TMC1: variants seen among roughly 807,000 people sequenced by gnomAD.
TMC1 encodes the protein transmembrane channel like 1.
A neutral mutation model predicts 105.8 loss-of-function variants in TMC1; 84 were observed. The observed-to-expected ratio is 0.79, with a 90% CI of 0.67 to 0.95. The LOEUF (loss-of-function observed/expected upper bound fraction) is 0.95, where lower values mean the gene tolerates loss of function less well. TMC1 is among the 40% of genes least tolerant of loss of function. The pLI, the probability that TMC1 is intolerant of heterozygous loss-of-function variation, is 0.00. For synonymous variants in TMC1, 315 were observed against 311.5 expected, an observed-to-expected ratio of 1.01 and a Z score of -0.12; for missense variants, 817 against 914.1, an observed-to-expected ratio of 0.89 and a Z score of 1.37.
intron 1 of TMC1, among the ~76,000 whole-genome samples, chr9:72,572,782 G>A (rs7036864): frequency 0.31 from 47,043 of 151,918 alleles, 8,411 homozygotes; most frequent in African/African-American, 0.47. Context: ...CCTGAAATCA[G>A]GAGTTTGAGA....
At chr9:72,710,852 G>A (rs190223652) in intron 8 of TMC1, among the ~76,000 whole-genome samples, 67 of 152,128 alleles carry the variant, frequency 4.4e-4, no homozygotes, top group African/African-American at 1.6e-3. Flanking sequence ...TGTTACATAG[G>A]TATACACATG....
chr9:72,817,549 G>C (rs1320000600), intron 19 of TMC1, among the ~76,000 whole-genome samples: 2 of 152,172 alleles, frequency 1.3e-5, no homozygotes, highest in African/African-American at 4.8e-5. Context: ...AGAAACCACT[G>C]TTCTATCAGT....
Position 72,627,908 on chromosome 9 carries a change from T to TC in TMC1, c.-195-13_-195-12insC, listed in dbSNP as rs1405953706. ...AAAAATCTGTATTGGATTTTTTTTT[T>TC]TTCATATTTTAGGATGCCAGAAGCC... On this transcript the variant is annotated splice_polypyrimidine_tract_variant and intron_variant, in intron 3 of 23. Coordinates refer to ENST00000297784, the MANE Select transcript of TMC1 (RefSeq NM_138691.3). The TC allele has an allele frequency of 2.5e-6, 1 of 394,718 alleles. No individual in the cohort carries two copies. The highest frequency in any genetic ancestry group is 2.1e-5 in the African/African-American group (1 of 47,018). The allele number at this position is 394,718 out of a possible 1,614,324, so 24.5% of individuals were successfully genotyped here.
chr9:72,532,667 T>TATTCTCAG (rs953076230), intron 1 of TMC1, among the ~76,000 whole-genome samples: 95 of 149,708 alleles, frequency 6.3e-4, no homozygotes, highest in Admixed American at 1.9e-3. Context: ...GGATGAGACA[T>TATTCTCAG]ATTCTCAGAT....
intron 23 of TMC1, among the ~76,000 whole-genome samples, chr9:72,834,966 A>G (rs1302721969): frequency 6.6e-6 from 1 of 152,094 alleles, no homozygotes; most frequent in Admixed American, 6.5e-5. Flanking sequence ...CAGAGATTTT[A>G]TGTGTAAATT....
intron 13 of TMC1, among the ~76,000 whole-genome samples, chr9:72,783,343 C>T (rs901579844): frequency 1.3e-5 from 2 of 152,148 alleles, no homozygotes; most frequent in African/African-American, 4.8e-5. Flanking sequence ...CTGAGAGCCC[C>T]TGGCAAACCA....
chr9:72,611,105 A>G (rs992983841), intron 2 of TMC1, among the ~76,000 whole-genome samples: 1 of 152,206 alleles, frequency 6.6e-6, no homozygotes, highest in Non-Finnish European at 1.5e-5. Flanking sequence ...TATGGAAACT[A>G]CTTATTTATA....
intron 5 of TMC1, among the ~76,000 whole-genome samples, chr9:72,684,112 T>G (rs943745619): frequency 6.6e-6 from 1 of 152,082 alleles, no homozygotes; most frequent in African/African-American, 2.4e-5. Context: ...ATAATCTAAT[T>G]CGTGTTGTTT....
At chr9:72,540,978 C>T (rs1823665599) in intron 1 of TMC1, among the ~76,000 whole-genome samples, 1 of 152,182 alleles carries the variant, frequency 6.6e-6, no homozygotes, top group South Asian at 2.1e-4. Flanking sequence ...ATCAATACTA[C>T]CCAGCTTTAT....
At chr9:72,763,629 A>C (rs1235048350) in intron 12 of TMC1, among the ~76,000 whole-genome samples, 4 of 152,208 alleles carry the variant, frequency 2.6e-5, no homozygotes, top group Non-Finnish European at 5.9e-5. Context: ...AACATCAATT[A>C]CAGAGAACGT....
chr9:72,647,069 G>A (rs958751366), intron 4 of TMC1, among the ~76,000 whole-genome samples: 1 of 150,824 alleles, frequency 6.6e-6, no homozygotes, highest in African/African-American at 2.4e-5. Flanking sequence ...TTGAACCCAG[G>A]AGGTGGAGGT....
chr9:72,700,762 A>G, intron 8 of TMC1, 119 bp downstream of exon 8: 1 of 105,470 alleles, frequency 9.5e-6, no homozygotes, highest in Non-Finnish European at 1.4e-5. Flanking sequence ...ACACACACAT[A>G]CACACACACA....
chr9:72,701,869 C>T (rs1430047901), intron 8 of TMC1, among the ~76,000 whole-genome samples: 1 of 152,100 alleles, frequency 6.6e-6, no homozygotes, highest in African/African-American at 2.4e-5. Flanking sequence ...TCCCAGAAAA[C>T]TTTTGCAACA....
Position 72,779,980 on chromosome 9 carries a change from A to T in TMC1, c.884+7425A>T, listed in dbSNP as rs146081298. 9.6e-3 allele frequency among the ~76,000 whole-genome samples: 1,459 copies of T among 152,292 alleles called. 32 individuals carry two copies. The highest frequency in any genetic ancestry group is 0.034 in the African/African-American group (1,398 of 41,548). On this transcript the variant is annotated intron_variant, in intron 13 of 23. Coordinates refer to ENST00000297784, the MANE Select transcript of TMC1 (RefSeq NM_138691.3). ...ATAGCCCACAGATTCTTTAAGGTCA[A>T]TGCAAAAGAAAAAATATTAAAGGCA...
At chr9:72,589,091 G>T (rs971624176) in intron 2 of TMC1, among the ~76,000 whole-genome samples, 3 of 152,106 alleles carry the variant, frequency 2.0e-5, no homozygotes, top group Admixed American at 6.6e-5. Flanking sequence ...ACTTCTTTAG[G>T]TGGAGTTTGG....
chr9:72,811,713 A>G (rs1479904327), intron 18 of TMC1, among the ~76,000 whole-genome samples: 1 of 152,186 alleles, frequency 6.6e-6, no homozygotes, highest in Admixed American at 6.5e-5. Context: ...GCTCACTCGT[A>G]AGTGAGAGCC....
At chr9:72,675,390 G>C (rs747162184) in intron 5 of TMC1, among the ~76,000 whole-genome samples, 1 of 152,104 alleles carries the variant, frequency 6.6e-6, no homozygotes, top group Non-Finnish European at 1.5e-5. Context: ...TAGTCTTACT[G>C]TCTAAAACTA....
At chr9:72,750,501 C>A (rs1444848) in intron 10 of TMC1, among the ~76,000 whole-genome samples, 38,866 of 151,838 alleles carry the variant, frequency 0.26, 5,356 homozygotes, top group East Asian at 0.38. Flanking sequence ...TAAGACTTAA[C>A]CTCTTCATTT....
chr9:72,659,732 A>T (rs902846744), intron 5 of TMC1, among the ~76,000 whole-genome samples: 1 of 152,242 alleles, frequency 6.6e-6, no homozygotes, highest in African/African-American at 2.4e-5. Context: ...CTATAATTAT[A>T]GTTAGTAGGG....
Sources: allele counts gnomAD v4.1 joint callset (sites outside exome capture counted in the v4.1 genomes callset), GRCh38; gene constraint gnomAD v4.1.1; transcripts MANE v1.5; gene names NCBI Gene and HGNC (gene_info 2026-07-23, HGNC 2026-07-21).